The following PIGK variants were observed in gnomAD, a reference collection of about 807,000 sequenced individuals.
PIGK encodes the protein phosphatidylinositol glycan anchor biosynthesis class K, also known as GPI-anchor transamidase.
Under a neutral mutation model 50.6 loss-of-function variants are expected in PIGK, and 42 were observed. That is an observed-to-expected ratio of 0.83 (90% CI 0.65 to 1.07). PIGK has a LOEUF of 1.07. PIGK is among the 50% of genes least tolerant of loss of function. The pLI is 0.00. For synonymous variants in PIGK, 151 were observed against 156.0 expected (o/e 0.97, Z 0.24); for missense variants, 448 against 488.7 (o/e 0.92, Z 0.78).
chr1:77,169,512 T>G, intron 3 of PIGK, 117 bp from the exon 4 acceptor site: 1 of 715,786 alleles, frequency 1.4e-6, no homozygotes, highest in Non-Finnish European at 2.2e-6. Flanking sequence ...AAAAAAATTT[T>G]CAACTACATA....
chr1:77,114,471 T>C (rs1653920093), intron 10 of PIGK, among the ~76,000 whole-genome samples: 1 of 152,176 alleles, frequency 6.6e-6, no homozygotes, highest in South Asian at 2.1e-4. Context: ...ATAAATTTGG[T>C]GAAAACAGGT....
At chr1:77,195,077 G>C in intron 3 of PIGK, 4 of 990,104 alleles carry the variant, frequency 4.0e-6, no homozygotes, top group South Asian at 1.3e-5. Flanking sequence ...GCCCATAGCA[G>C]GAACAACCCA....
intron 3 of PIGK, among the ~76,000 whole-genome samples, chr1:77,171,212 G>A (rs2882290): frequency 0.11 from 17,164 of 151,672 alleles, 1,319 homozygotes; most frequent in African/African-American, 0.21. Context: ...TGAGGCGGGC[G>A]GATCACGAGG....
At chr1:77,148,444 T>C (rs141933713) in intron 9 of PIGK, among the ~76,000 whole-genome samples, 399 of 152,312 alleles carry the variant, frequency 2.6e-3, no homozygotes, top group Admixed American at 5.4e-3. Flanking sequence ...TTTAAAGTAA[T>C]TTTCTCCTTG....
At chr1:77,112,447 A>T (rs1365511162) in intron 10 of PIGK, among the ~76,000 whole-genome samples, 1 of 152,122 alleles carries the variant, frequency 6.6e-6, no homozygotes, top group Non-Finnish European at 1.5e-5. Flanking sequence ...GTTACCAGTG[A>T]TACTTCTGGT....
At chr1:77,162,135 A>T (rs1655144123) in intron 6 of PIGK, among the ~76,000 whole-genome samples, 1 of 152,198 alleles carries the variant, frequency 6.6e-6, no homozygotes, top group Non-Finnish European at 1.5e-5. Flanking sequence ...TTGGAACGTG[A>T]TGAGTACTAT....
At chr1:77,117,306 T>C (rs929264465) in intron 10 of PIGK, among the ~76,000 whole-genome samples, 3 of 152,214 alleles carry the variant, frequency 2.0e-5, no homozygotes, top group African/African-American at 7.2e-5. Flanking sequence ...AAAAATTATC[T>C]ATTGAGACTT....
At chr1:77,093,956 C>A (rs1653355072) in intron 10 of PIGK, among the ~76,000 whole-genome samples, 1 of 151,794 alleles carries the variant, frequency 6.6e-6, no homozygotes, top group African/African-American at 2.4e-5. Context: ...AGTAGAAAAT[C>A]TAGAATAATT....
intron 10 of PIGK, among the ~76,000 whole-genome samples, chr1:77,102,584 T>TCC (rs1653575059): frequency 1.3e-5 from 2 of 152,058 alleles, no homozygotes; most frequent in Admixed American, 1.3e-4. Flanking sequence ...AACTGATTCT[T>TCC]CCCCACACCC....
intron 10 of PIGK, among the ~76,000 whole-genome samples, chr1:77,119,794 G>C (rs769386968): frequency 2.6e-4 from 40 of 152,182 alleles, no homozygotes; most frequent in Admixed American, 4.6e-4. Context: ...TGTGCTACTA[G>C]TGAGAGTCCT....
At chr1:77,193,636 A>G (rs1363831396) in intron 3 of PIGK, among the ~76,000 whole-genome samples, 1 of 152,170 alleles carries the variant, frequency 6.6e-6, no homozygotes, top group Non-Finnish European at 1.5e-5. Context: ...AAGCAAACAC[A>G]AGTCAAATTC....
chr1:77,132,986 C>T (rs1443160393), intron 9 of PIGK, among the ~76,000 whole-genome samples: 3 of 152,070 alleles, frequency 2.0e-5, no homozygotes, highest in African/African-American at 7.2e-5. Context: ...TATGATGTGG[C>T]AAATTGTGGT....
chr1:77,169,648 C>T (rs918986841), intron 3 of PIGK, among the ~76,000 whole-genome samples: 11 of 151,650 alleles, frequency 7.3e-5, no homozygotes, highest in African/African-American at 1.2e-4. Flanking sequence ...TCCTTGTGTG[C>T]GATACATTTT....
At chr1:77,122,441 A>G in intron 9 of PIGK, 82 bp from the exon 10 acceptor site, 1 of 744,426 alleles carries the variant, frequency 1.3e-6, no homozygotes, top group African/African-American at 1.8e-5. Flanking sequence ...GTCAAATATG[A>G]AATATAGTAA....
intron 9 of PIGK, among the ~76,000 whole-genome samples, chr1:77,133,607 A>G (rs1439653872): frequency 6.6e-6 from 1 of 152,212 alleles, no homozygotes; most frequent in Non-Finnish European, 1.5e-5. Context: ...TTTCCACTTA[A>G]GAAGGTCCAT....
chr1:77,094,383 T>G (rs1299939010), intron 10 of PIGK, among the ~76,000 whole-genome samples: 1 of 152,130 alleles, frequency 6.6e-6, no homozygotes, highest in African/African-American at 2.4e-5. Flanking sequence ...CTGGCACCAA[T>G]GTAAACTCTT....
At position 77,154,466 on chromosome 1, in the gene PIGK, T is replaced by C. The variant is rs200590835; in HGVS notation, c.969A>G (p.Ser323=). 12 of 1,609,220 alleles carry C rather than the reference T, an allele frequency of 7.5e-6. No individual in the cohort carries two copies. The highest frequency in any genetic ancestry group is 4.5e-5 in the East Asian group (2 of 44,840). The change falls in exon 9 of 11, where the codon TCA becomes TCG. Residue 323 remains serine (S), a synonymous_variant. Transcript: ENST00000370812. The part of the protein sequence containing the change: ...TTETIKLQQD[S]EIMESSYKED... ...ATGAATACCTGCTTTCCATGATTTC[T>C]GAATCCTGTTGCAATTTAATAGTCT... is the stretch of plus-strand genomic sequence containing the variant.
chr1:77,216,074 A>G (rs1450622588), intron 1 of PIGK, among the ~76,000 whole-genome samples: 1 of 152,196 alleles, frequency 6.6e-6, no homozygotes, highest in Non-Finnish European at 1.5e-5. Flanking sequence ...TCAACTACCT[A>G]GAAATCTTTT....
intron 1 of PIGK, among the ~76,000 whole-genome samples, chr1:77,215,242 A>C (rs1251232795): frequency 6.6e-6 from 1 of 152,158 alleles, no homozygotes; most frequent in East Asian, 1.9e-4. Flanking sequence ...AAAACCAAAT[A>C]ATCTAATTAA....
Sources: allele counts gnomAD v4.1 joint callset (sites outside exome capture counted in the v4.1 genomes callset), GRCh38; gene constraint gnomAD v4.1.1; transcripts MANE v1.5; gene names NCBI Gene and HGNC (gene_info 2026-07-23, HGNC 2026-07-21).